The following C20orf203 variants were observed in gnomAD, a reference collection of about 807,000 sequenced individuals.
The protein encoded by C20orf203 is uncharacterized protein C20orf203.
Under a neutral mutation model 15.9 loss-of-function variants are expected in C20orf203, and 16 were observed. That is an observed-to-expected ratio of 1.01 (90% CI 0.68 to 1.53). The LOEUF is 1.53. Ranked by LOEUF, C20orf203 falls within the 40% of genes most tolerant of loss-of-function variation. The probability of loss-of-function intolerance (pLI) is 0.00; values close to 1 mark genes in which losing one functional copy is unlikely to be tolerated. For synonymous variants in C20orf203, 98 were observed against 97.2 expected (o/e 1.01, Z -0.05); for missense variants, 263 against 247.5 (o/e 1.06, Z -0.42).
rs764271074 is a variant in C20orf203 at position 32,650,306 on chromosome 20, C to T, written c.*126G>A. On this transcript the variant is annotated 3_prime_UTR_variant, in exon 4 of 6. Transcript: ENST00000608990. ...TCCTTGAGGTTTCAGCTGGGCGTGC[C>T]GGGCCCATCCCCCACTCTGGGGAGC... 13 of 700,616 alleles carry T rather than the reference C, an allele frequency of 1.9e-5. No individual in the cohort carries two copies. Among genetic ancestry groups the T allele is most frequent in the African/African-American group, 7.2e-5 (4 of 55,496 alleles). The allele number at this position is 700,616 out of a possible 1,614,324, so 43.4% of individuals were successfully genotyped here. A position where few individuals can be genotyped will look rare whatever the true frequency, so the allele number is the denominator to read the frequency against.
chr20:32,645,164 C>T (rs1465628161), intron 4 of C20orf203, among the ~76,000 whole-genome samples: 1 of 152,126 alleles, frequency 6.6e-6, no homozygotes, highest in Non-Finnish European at 1.5e-5. Context: ...TTGGGTTTGT[C>T]GCTCGATGTC....
chr20:32,666,157 A>AAAAAAAAAAAAAAAAAAAAAAAT (rs1983018698), intron 1 of C20orf203, among the ~76,000 whole-genome samples: 1 of 29,000 alleles, frequency 3.4e-5, no homozygotes. Flanking sequence ...AAATAAAGTA[A>AAAAAAAAAAAAAAAAAAAAAAAT]AAAAAAAAAA....
At chr20:32,668,996 G>A (rs1322088213) in intron 1 of C20orf203, among the ~76,000 whole-genome samples, 3 of 152,124 alleles carry the variant, frequency 2.0e-5, no homozygotes, top group East Asian at 1.9e-4. Flanking sequence ...CTACAAAATC[G>A]AAGTTTTCCA....
chr20:32,661,730 G>C (rs1349915505), intron 1 of C20orf203, among the ~76,000 whole-genome samples: 1 of 152,098 alleles, frequency 6.6e-6, no homozygotes, highest in Non-Finnish European at 1.5e-5. Flanking sequence ...TGGACGGTCA[G>C]CAAGGGCCAC....
intron 1 of C20orf203, among the ~76,000 whole-genome samples, chr20:32,672,526 T>C (rs1005473254): frequency 6.6e-6 from 1 of 151,814 alleles, no homozygotes; most frequent in Admixed American, 6.6e-5. Context: ...TGAGCTATGA[T>C]TGCATCATTA....
At chr20:32,660,390 C>A (rs1014726329) in intron 1 of C20orf203, among the ~76,000 whole-genome samples, 2 of 152,220 alleles carry the variant, frequency 1.3e-5, no homozygotes, top group Non-Finnish European at 2.9e-5. Flanking sequence ...CAGGCCCGAG[C>A]TTACTCCATG....
chr20:32,639,549 G>A (rs1201024554), intron 5 of C20orf203, among the ~76,000 whole-genome samples: 1 of 151,908 alleles, frequency 6.6e-6, no homozygotes, highest in African/African-American at 2.4e-5. Flanking sequence ...GTGAGGGCTG[G>A]AGGATCGCTT....
At chr20:32,673,243 G>C (rs1256446567) in intron 1 of C20orf203, among the ~76,000 whole-genome samples, 3 of 152,188 alleles carry the variant, frequency 2.0e-5, no homozygotes, top group Admixed American at 2.0e-4. Flanking sequence ...GAGCCACAGA[G>C]GCAGGAGGGA....
chr20:32,639,400 C>G (rs181135512), intron 5 of C20orf203, among the ~76,000 whole-genome samples: 215 of 152,294 alleles, frequency 1.4e-3, no homozygotes, highest in East Asian at 1.7e-3. Context: ...ACCAGGCCAA[C>G]CTGGAAACGA....
At chr20:32,652,322 CAAAAAAAAAAAAAA>C (rs11483593) in intron 1 of C20orf203, among the ~76,000 whole-genome samples, 4 of 18,236 alleles carry the variant, frequency 2.2e-4, no homozygotes, top group African/African-American at 3.2e-4. Flanking sequence ...GACTCCATCT[CAAAAAAAAAAAAAA>C]AAAAAAAAAA....
intron 4 of C20orf203, among the ~76,000 whole-genome samples, chr20:32,648,512 C>T (rs1600930938): frequency 7.5e-6 from 1 of 133,958 alleles, no homozygotes; most frequent in East Asian, 2.4e-4. Flanking sequence ...GTGACGGTGG[C>T]TCACTGCAAG....
At chr20:32,661,498 C>T (rs760158895) in intron 1 of C20orf203, among the ~76,000 whole-genome samples, 21 of 152,218 alleles carry the variant, frequency 1.4e-4, no homozygotes, top group Non-Finnish European at 2.6e-4. Context: ...AGAAACCTTT[C>T]TTGCATGACC....
intron 5 of C20orf203, among the ~76,000 whole-genome samples, 158 bp from the exon 6 acceptor site, chr20:32,634,428 G>A (rs1054975227): frequency 2.0e-5 from 3 of 152,148 alleles, no homozygotes; most frequent in Non-Finnish European, 2.9e-5. Context: ...GTGTGGACGC[G>A]TGGCTCTAGG....
intron 1 of C20orf203, among the ~76,000 whole-genome samples, chr20:32,653,911 G>T (rs1982697667): frequency 6.6e-6 from 1 of 152,048 alleles, no homozygotes; most frequent in Admixed American, 6.6e-5. Flanking sequence ...TGGCCAGCAA[G>T]GCAAAACCAT....
intron 4 of C20orf203, among the ~76,000 whole-genome samples, chr20:32,644,219 G>A (rs1046786666): frequency 2.0e-5 from 3 of 152,174 alleles, no homozygotes; most frequent in Admixed American, 6.5e-5. Flanking sequence ...AGGCCGAGGC[G>A]GGTGGATTGC....
At chr20:32,668,189 C>T (rs564588556) in intron 1 of C20orf203, among the ~76,000 whole-genome samples, 1 of 152,274 alleles carries the variant, frequency 6.6e-6, no homozygotes, top group East Asian at 1.9e-4. Flanking sequence ...AGAGTGGTTA[C>T]ACCAAGGGCA....
rs992798894 is a variant in C20orf203 at position 32,633,325 on chromosome 20, G to A, written c.*2245C>T. The A allele has an allele frequency of 2.0e-5, 3 of 152,186 alleles. No individual in the cohort carries two copies. The highest frequency in any genetic ancestry group is 7.2e-5 in the African/African-American group (3 of 41,452). The allele number at this position is 152,186 out of a possible 1,614,324, so 9.4% of individuals were successfully genotyped here. A position where few individuals can be genotyped will look rare whatever the true frequency, so the allele number is the denominator to read the frequency against. The stretch of plus-strand genomic sequence containing the variant: ...TCCGTGGAGGCCTGGGATGGCCACT[G>A]AAGTCCACCTGATGGTGATGATACT... On this transcript the variant is annotated 3_prime_UTR_variant, in exon 6 of 6. Transcript: ENST00000608990.
intron 1 of C20orf203, among the ~76,000 whole-genome samples, chr20:32,661,471 T>G (rs1250018919): frequency 6.6e-6 from 1 of 152,190 alleles, no homozygotes; most frequent in Non-Finnish European, 1.5e-5. Context: ...TCCAGTGGTG[T>G]CCAGCCCTGG....
intron 1 of C20orf203, chr20:32,656,875 C>A: frequency 1.1e-5 from 1 of 87,804 alleles, no homozygotes; most frequent in African/African-American, 4.4e-5. Flanking sequence ...AAAAAAAAAT[C>A]TTACATGACT....
Sources: gnomAD v4.1 joint callset for allele counts (sites outside exome capture counted in the v4.1 genomes callset) on GRCh38, gnomAD v4.1.1 for gene constraint, MANE v1.5 for transcripts, NCBI Gene and HGNC (gene_info 2026-07-23, HGNC 2026-07-21) for gene names.